CCDC57: variants seen among roughly 807,000 people sequenced by gnomAD.
CCDC57 encodes the protein coiled-coil domain containing 57.
A neutral mutation model predicts 118.9 loss-of-function variants in CCDC57; 118 were observed. The observed-to-expected ratio is 0.99, with a 90% CI of 0.86 to 1.16. CCDC57 has a LOEUF of 1.16. Ranked by LOEUF, CCDC57 falls within the 50% of genes most tolerant of loss-of-function variation. The pLI is 0.00. For synonymous variants in CCDC57, 527 were observed against 532.9 expected (o/e 0.99, Z 0.15); for missense variants, 1,300 against 1,320.7 (o/e 0.98, Z 0.24).
chr17:82,144,659 G>C (rs1217662483), intron 16 of CCDC57, among the ~76,000 whole-genome samples: 1 of 152,088 alleles, frequency 6.6e-6, no homozygotes, highest in Non-Finnish European at 1.5e-5. Flanking sequence ...GTGAGCAAAA[G>C]TTATTACTTC....
intron 2 of CCDC57, among the ~76,000 whole-genome samples, chr17:82,203,054 G>A (rs570546867): frequency 2.6e-5 from 4 of 152,326 alleles, no homozygotes; most frequent in African/African-American, 4.8e-5. Context: ...AATCCCCAAC[G>A]GGGGAGCTGG....
In CCDC57 at chr17:82,212,648, C is replaced by G. The variant is rs927813915; in HGVS notation, c.-211+137G>C. The G allele has an allele frequency of 6.6e-6, 1 of 152,024 alleles. No homozygotes were observed. The highest frequency in any genetic ancestry group is 2.4e-5 in the African/African-American group (1 of 41,382). 9.4% of individuals were successfully genotyped at this position (152,024 alleles called of 1,614,324 possible). The stretch of plus-strand genomic sequence containing the variant: ...CCGGGCCTGGCCGAGCTCTGAGGGT[C>G]GACCTCGCGCTCCAGGTCCCCACCA... On this transcript the variant is annotated intron_variant, in intron 1 of 19. Transcript: ENST00000665763. The surrounding 1 kb of genome is among the most constrained non-coding windows in gnomAD (Gnocchi z 4.1).
intron 19 of CCDC57, among the ~76,000 whole-genome samples, chr17:82,119,914 C>T (rs1375591834): frequency 6.6e-6 from 1 of 152,164 alleles, no homozygotes; most frequent in African/African-American, 2.4e-5. Context: ...CGACTCCAGC[C>T]AGCTGTTCCA....
rs376303728 is a variant in CCDC57 at position 82,201,807 on chromosome 17, C to T, written c.138G>A (p.Ala46=). 16 of 1,613,452 alleles carry T rather than the reference C, an allele frequency of 9.9e-6. No individual in the cohort carries two copies. In the East Asian group the frequency reaches 1.8e-4, roughly 18 times the overall value. The change falls in exon 3 of 20, where the codon GCG becomes GCA. Residue 46 remains alanine, a synonymous_variant. Transcript: ENST00000665763. Reference sequence around the variant, plus strand: ...CCTGCAGGCACCGCAGTTTCCCCTGCGCCTCCTCCAGCTGGCTCCGTGTGT... The same window carrying T: ...CCTGCAGGCACCGCAGTTTCCCCTGTGCCTCCTCCAGCTGGCTCCGTGTGT...
intron 17 of CCDC57, 80 bp from the exon 17 acceptor site, chr17:82,128,677 T>G: frequency 9.0e-7 from 1 of 1,113,860 alleles, no homozygotes; most frequent in Non-Finnish European, 1.3e-6. Context: ...CCCACAAGAT[T>G]GGGAAGAAAT....
At chr17:82,202,874 G>A (rs1328379027) in intron 2 of CCDC57, among the ~76,000 whole-genome samples, 1 of 152,216 alleles carries the variant, frequency 6.6e-6, no homozygotes, top group Non-Finnish European at 1.5e-5. Context: ...GCAGCACTCT[G>A]TCCATTTCAC....
At chr17:82,190,638 C>T (rs1486580221) in intron 7 of CCDC57, among the ~76,000 whole-genome samples, 11 of 141,798 alleles carry the variant, frequency 7.8e-5, no homozygotes, top group South Asian at 2.2e-4. Context: ...GAGGTTGCAG[C>T]GAGCTGAGAT....
At chr17:82,177,883 G>A (rs1446141313) in intron 11 of CCDC57, among the ~76,000 whole-genome samples, 1 of 152,190 alleles carries the variant, frequency 6.6e-6, no homozygotes, top group African/African-American at 2.4e-5. Context: ...CAGGCCTAGG[G>A]CAGTCCTCCC....
At chr17:82,181,843 C>T (rs140646736) in intron 9 of CCDC57, among the ~76,000 whole-genome samples, 3 of 152,274 alleles carry the variant, frequency 2.0e-5, no homozygotes, top group East Asian at 3.9e-4. Context: ...ATAAGCCAGG[C>T]GGGGTGGCTC....
intron 2 of CCDC57, among the ~76,000 whole-genome samples, chr17:82,205,482 G>A (rs1408350267): frequency 2.0e-5 from 3 of 152,310 alleles, no homozygotes; most frequent in African/African-American, 7.2e-5. Flanking sequence ...AAGACAGACC[G>A]AGGACACGGC....
At chr17:82,146,746 T>C (rs2040790495) in intron 16 of CCDC57, among the ~76,000 whole-genome samples, 1 of 152,240 alleles carries the variant, frequency 6.6e-6, no homozygotes, top group Non-Finnish European at 1.5e-5. Context: ...CGGTCTAACA[T>C]ACAAATGCAT....
At chr17:82,103,450 C>T (rs548521634) in intron 19 of CCDC57, among the ~76,000 whole-genome samples, 9 of 152,348 alleles carry the variant, frequency 5.9e-5, no homozygotes, top group Admixed American at 3.9e-4. Flanking sequence ...CTCCTGGTCC[C>T]GGCCAACGCC....
chr17:82,125,104 G>A (rs1481286700), intron 19 of CCDC57, among the ~76,000 whole-genome samples: 1 of 152,180 alleles, frequency 6.6e-6, no homozygotes. Flanking sequence ...CAGCACTGGA[G>A]CACACGGGGA....
intron 7 of CCDC57, 61 bp downstream of exon 6, chr17:82,193,695 A>T: frequency 7.6e-6 from 11 of 1,451,436 alleles, no homozygotes; most frequent in East Asian, 2.4e-5. Context: ...CAATGGTTCC[A>T]CTTCCCTCCT....
At chr17:82,199,004 A>T (rs2048655179) in intron 3 of CCDC57, among the ~76,000 whole-genome samples, 1 of 123,770 alleles carries the variant, frequency 8.1e-6, no homozygotes, top group Non-Finnish European at 1.7e-5. Context: ...AAAAAAAAAA[A>T]AAAAAGAAAA....
intron 11 of CCDC57, 79 bp downstream of exon 10, chr17:82,178,395 G>A (rs1407399674): frequency 1.4e-6 from 2 of 1,478,782 alleles, no homozygotes; most frequent in Non-Finnish European, 1.8e-6. Flanking sequence ...TCCAGTCTTG[G>A]TAGGATTTGG....
chr17:82,197,405 C>T (rs972103693), intron 4 of CCDC57, among the ~76,000 whole-genome samples: 1 of 152,224 alleles, frequency 6.6e-6, no homozygotes, highest in Admixed American at 6.5e-5. Context: ...TCAACAAAAC[C>T]CCAGCACAGC....
In CCDC57 at chr17:82,198,428, G is replaced by A. The variant is rs540243664; in HGVS notation, c.408-6C>T. On this transcript the variant is annotated splice_polypyrimidine_tract_variant and splice_region_variant and intron_variant, in intron 3 of 19. Transcript: ENST00000665763. ...CAATCTCACCATTCTTGTCACTATG[G>A]TAATAAAACAGCATTAAGAAAAGCC... 6.4e-7 allele frequency: 1 copy of A among 1,556,954 alleles called. No individual in the cohort carries two copies. Among genetic ancestry groups the A allele is most frequent in the East Asian group, 2.3e-5 (1 of 44,386 alleles).
chr17:82,125,265 T>C (rs2037261148), intron 19 of CCDC57, among the ~76,000 whole-genome samples: 1 of 152,042 alleles, frequency 6.6e-6, no homozygotes, highest in Non-Finnish European at 1.5e-5. Context: ...AGGCCGGGCA[T>C]GGTGACTCAC....
Sources: gnomAD v4.1 joint callset for allele counts (sites outside exome capture counted in the v4.1 genomes callset) on GRCh38, gnomAD v4.1.1 for gene constraint, Gnocchi (gnomAD v3.1) non-coding constraint, MANE v1.5 for transcripts, NCBI Gene and HGNC (gene_info 2026-07-23, HGNC 2026-07-21) for gene names.